NPNT: variants seen among roughly 807,000 people sequenced by gnomAD.
NPNT encodes nephronectin.
In NPNT, 45 loss-of-function variants were observed where a neutral mutation model predicts 68.6. The observed-to-expected ratio is 0.66, with a 90% CI of 0.52 to 0.84. The LOEUF is 0.84. Among genes scored for constraint, NPNT ranks in the 40% least tolerant of loss-of-function variants. NPNT has a pLI of 0.00. For missense variants in NPNT, 672 were observed against 714.8 expected, an observed-to-expected ratio of 0.94 and a Z score of 0.68; for synonymous variants, 233 against 253.3, an observed-to-expected ratio of 0.92 and a Z score of 0.76.
chr4:105,935,326 CAAG>C (rs750856444), intron 3 of NPNT, among the ~76,000 whole-genome samples: 2 of 152,096 alleles, frequency 1.3e-5, no homozygotes, highest in African/African-American at 4.8e-5. Flanking sequence ...GCTATAATAT[CAAG>C]AAGATTTATC....
rs1392415951 is a variant in NPNT at position 105,969,639 on chromosome 4, T to C, written c.*649T>C. The C allele has an allele frequency of 6.6e-6, 1 of 152,234 alleles. No individual in the cohort carries two copies. The highest frequency in any genetic ancestry group is 1.9e-4 in the East Asian group (1 of 5,200). The allele number at this position is 152,234 out of a possible 1,614,324, so 9.4% of individuals were successfully genotyped here. ...CCCTCCTTAGTAGTATTGTGTTTTGTGTAAATGTGCTATTGATATTAAGTA... is the reference window on the plus strand; with the variant it reads ...CCCTCCTTAGTAGTATTGTGTTTTGCGTAAATGTGCTATTGATATTAAGTA... On this transcript the variant is annotated 3_prime_UTR_variant, in exon 12 of 12. Transcript: ENST00000379987.
At chr4:105,957,335 G>A (rs1033212742) in intron 8 of NPNT, among the ~76,000 whole-genome samples, 7 of 152,024 alleles carry the variant, frequency 4.6e-5, no homozygotes, top group South Asian at 2.1e-4. Context: ...TGTCTACCCC[G>A]TTCACCCTGT....
chr4:105,938,518 AC>A (rs1729680713), intron 5 of NPNT, 98 bp downstream of exon 5: 1 of 1,195,464 alleles, frequency 8.4e-7, no homozygotes, highest in Non-Finnish European at 1.2e-6. Context: ...GCAATTACTT[AC>A]ATCAGATAAT....
rs1031537850 is a variant in NPNT at position 105,958,898 on chromosome 4, T to C, written c.1247-130T>C. 4 of 635,644 alleles carry C rather than the reference T, an allele frequency of 6.3e-6. No individual in the cohort carries two copies. The African/African-American group carries it at 7.3e-5, about 12-fold the overall frequency. 39.4% of individuals were successfully genotyped at this position (635,644 alleles called of 1,614,324 possible). On this transcript the variant is annotated intron_variant, in intron 9 of 11. Coordinates refer to ENST00000379987, the MANE Select transcript of NPNT (RefSeq NM_001033047.3). ...GATTAATGTAATTTCCCTTTGGTCT[T>C]ATGGAAAGAAGCTCTGGTTATATGG...
At chr4:105,927,749 A>G (rs1728804882) in intron 3 of NPNT, among the ~76,000 whole-genome samples, 1 of 152,096 alleles carries the variant, frequency 6.6e-6, no homozygotes, top group African/African-American at 2.4e-5. Context: ...TTGGCCAAAT[A>G]ATTAACCACC....
chr4:105,917,930 T>A lies in NPNT; in HGVS notation c.173-9406T>A, dbSNP rs556250279. Reference sequence around the variant, plus strand: ...AGTATAATGATCTACATGAACATGATGAGGAGCCAGTGAATGAGTATAAGG... The same window carrying A: ...AGTATAATGATCTACATGAACATGAAGAGGAGCCAGTGAATGAGTATAAGG... On this transcript the variant is annotated intron_variant, in intron 2 of 11. Coordinates refer to ENST00000379987, the MANE Select transcript of NPNT (RefSeq NM_001033047.3). Among the ~76,000 whole-genome samples the A allele has an allele frequency of 1.3e-3, 203 of 152,254 alleles. 2 individuals carry two copies. Among genetic ancestry groups the A allele is most frequent in the Non-Finnish European group, 2.1e-3 (143 of 68,014 alleles).
chr4:105,928,033 AC>A (rs1246615247), intron 3 of NPNT, among the ~76,000 whole-genome samples: 1 of 152,196 alleles, frequency 6.6e-6, no homozygotes, highest in Non-Finnish European at 1.5e-5. Flanking sequence ...TATCTTTACA[AC>A]AACATTAGGA....
At chr4:105,912,613 T>C in intron 2 of NPNT, 2 of 949,528 alleles carry the variant, frequency 2.1e-6, no homozygotes, top group Non-Finnish European at 2.5e-6. Context: ...CTGAGGGAGT[T>C]GTATTTCATA....
chr4:105,928,129 A>G (rs1193263943), intron 3 of NPNT, among the ~76,000 whole-genome samples: 1 of 152,222 alleles, frequency 6.6e-6, no homozygotes, highest in East Asian at 1.9e-4. Flanking sequence ...GCATAGGAAT[A>G]TTAAGTGTCT....
chr4:105,932,596 C>T, intron 3 of NPNT: 1 of 1,523,672 alleles, frequency 6.6e-7, no homozygotes, highest in East Asian at 2.5e-5. Flanking sequence ...CTCTTATTAC[C>T]TTCTTCCTGG....
Position 105,922,311 on chromosome 4 carries a change from T to C in NPNT, c.173-5025T>C, listed in dbSNP as rs576088479. The stretch of plus-strand genomic sequence containing the variant: ...GAGTTTACTTTTCTCATAACTTATT[T>C]GATAATTCACTGCTTATGTTAGAGT... On this transcript the variant is annotated intron_variant, in intron 2 of 11. Transcript: ENST00000379987. Among the ~76,000 whole-genome samples the C allele has an allele frequency of 1.4e-3, 214 of 152,108 alleles. 1 individual carries two copies. The highest frequency in any genetic ancestry group is 4.5e-3 in the African/African-American group (188 of 41,486).
intron 2 of NPNT, among the ~76,000 whole-genome samples, chr4:105,924,823 T>C (rs1176395007): frequency 1.3e-5 from 2 of 152,208 alleles, no homozygotes; most frequent in African/African-American, 4.8e-5. Context: ...TTTTAAGTGG[T>C]ATTTTTAAAA....
intron 2 of NPNT, among the ~76,000 whole-genome samples, chr4:105,909,738 G>A (rs1727204472): frequency 6.6e-6 from 1 of 152,146 alleles, no homozygotes; most frequent in African/African-American, 2.4e-5. Flanking sequence ...TAAGGTTGGG[G>A]TATGGAGAAC....
chr4:105,964,521 T>G (rs1376784653), intron 10 of NPNT, among the ~76,000 whole-genome samples: 2 of 152,218 alleles, frequency 1.3e-5, no homozygotes, highest in African/African-American at 4.8e-5. Context: ...CCTACAATAT[T>G]TGAAAACCAT....
At chr4:105,912,296 C>G in intron 2 of NPNT, 1 of 1,110,316 alleles carries the variant, frequency 9.0e-7, no homozygotes, top group Non-Finnish European at 1.3e-6. Flanking sequence ...GAAAGGCATA[C>G]CTTCTAAATA....
intron 2 of NPNT, among the ~76,000 whole-genome samples, chr4:105,915,266 T>C (rs968787070): frequency 1.3e-5 from 2 of 152,088 alleles, no homozygotes; most frequent in Non-Finnish European, 2.9e-5. Context: ...GAAGTCAACC[T>C]GGTGAGAAAT....
intron 11 of NPNT, among the ~76,000 whole-genome samples, chr4:105,968,333 G>T (rs6533227): frequency 3.3e-5 from 5 of 152,020 alleles, no homozygotes; most frequent in Non-Finnish European, 1.5e-5. Flanking sequence ...ATAGCACTTA[G>T]GTTTTCTCTT....
chr4:105,941,448 A>G (rs926632072), intron 7 of NPNT, among the ~76,000 whole-genome samples: 2 of 152,232 alleles, frequency 1.3e-5, no homozygotes, highest in African/African-American at 4.8e-5. Flanking sequence ...GTGGTTATGT[A>G]ATAGATAAAC....
At position 105,912,526 on chromosome 4, in the gene NPNT, T is replaced by C; in HGVS notation, c.172+14525T>C. 4 of 708,592 alleles carry C rather than the reference T, an allele frequency of 5.6e-6. No individual in the cohort carries two copies. In the South Asian group the frequency reaches 1.9e-4, roughly 34 times the overall value. 43.9% of individuals were successfully genotyped at this position (708,592 alleles called of 1,614,324 possible). A position where few individuals can be genotyped will look rare whatever the true frequency, so the allele number is the denominator to read the frequency against. ...CCATTCTAAGCTAAAGGACAGTTTA[T>C]GTTTTTAATACTTAAGGAAGCAAAT... On this transcript the variant is annotated intron_variant, in intron 2 of 11. Coordinates refer to ENST00000379987, the MANE Select transcript of NPNT (RefSeq NM_001033047.3).
Sources: gnomAD v4.1 joint callset for allele counts (sites outside exome capture counted in the v4.1 genomes callset) on GRCh38, gnomAD v4.1.1 for gene constraint, MANE v1.5 for transcripts, NCBI Gene and HGNC (gene_info 2026-07-23, HGNC 2026-07-21) for gene names.